PKIB: variants seen among roughly 807,000 people sequenced by gnomAD.
The protein encoded by PKIB is PKI-beta.
Under a neutral mutation model 4.5 loss-of-function variants are expected in PKIB, and 2 were observed. That is an observed-to-expected ratio of 0.44 (90% CI 0.18 to 1.39). The LOEUF is 1.39. Ranked by LOEUF, PKIB falls within the 40% of genes most tolerant of loss-of-function variation. The pLI is 0.27. For missense variants in PKIB, 94 were observed against 92.6 expected (o/e 1.02, Z -0.06); for synonymous variants, 38 against 36.0 (o/e 1.06, Z -0.20).
chr6:122,526,139 C>A (rs1362576672), intron 2 of PKIB, among the ~76,000 whole-genome samples: 6 of 152,142 alleles, frequency 3.9e-5, no homozygotes, highest in Admixed American at 3.9e-4. Context: ...AATTCTGCCA[C>A]CTCTTTTGAT....
chr6:122,471,922 C>T, upstream of PKIB: 1 of 1,344,774 alleles, frequency 7.4e-7, no homozygotes, highest in Non-Finnish European at 9.8e-7. Flanking sequence ...GCTGAGACTG[C>T]GCATGCGCGT....
intron 2 of PKIB, among the ~76,000 whole-genome samples, chr6:122,576,689 A>AAATATATAT (rs1345822382): frequency 5.8e-4 from 20 of 34,314 alleles, no homozygotes; most frequent in African/African-American, 1.2e-3. Flanking sequence ...AAAAAAAAAA[A>AAATATATAT]ATATATATAT....
chr6:122,544,545 G>A (rs1347468228), intron 2 of PKIB, among the ~76,000 whole-genome samples: 2 of 152,040 alleles, frequency 1.3e-5, no homozygotes, highest in African/African-American at 4.8e-5. Flanking sequence ...CTGGAGGGGT[G>A]TTTTGAGATT....
intron 3 of PKIB, among the ~76,000 whole-genome samples, chr6:122,591,676 A>G (rs1458999655): frequency 6.6e-6 from 1 of 152,008 alleles, no homozygotes; most frequent in African/African-American, 2.4e-5. Context: ...ATCTGGTTCA[A>G]ATTGATCATT....
intron 2 of PKIB, among the ~76,000 whole-genome samples, chr6:122,506,978 A>G (rs762878603): frequency 2.6e-5 from 4 of 151,952 alleles, no homozygotes; most frequent in African/African-American, 9.7e-5. Context: ...TGGGATTACA[A>G]GCATGAGCCA....
chr6:122,494,726 C>T (rs1003025299), intron 2 of PKIB, among the ~76,000 whole-genome samples: 18 of 152,164 alleles, frequency 1.2e-4, no homozygotes, highest in African/African-American at 2.4e-4. Flanking sequence ...ACCAAAGAAG[C>T]GACAGGAACC....
At chr6:122,559,898 G>A (rs532399209) in intron 2 of PKIB, among the ~76,000 whole-genome samples, 4 of 151,978 alleles carry the variant, frequency 2.6e-5, no homozygotes, top group South Asian at 4.2e-4. Flanking sequence ...TCTTGTATCC[G>A]GAAACTTTGC....
chr6:122,589,274 A>G (rs1181857520), intron 3 of PKIB, among the ~76,000 whole-genome samples: 1 of 152,172 alleles, frequency 6.6e-6, no homozygotes, highest in Non-Finnish European at 1.5e-5. Flanking sequence ...CTATGCAACA[A>G]TTTAAAAGAA....
chr6:122,515,729 G>GTTT (rs1331582451), intron 2 of PKIB, among the ~76,000 whole-genome samples: 1 of 152,076 alleles, frequency 6.6e-6, no homozygotes, highest in Non-Finnish European at 1.5e-5. Flanking sequence ...TTGTTTGTTT[G>GTTT]TTTTTGAGAT....
At chr6:122,595,425 G>A (rs1774148697) in intron 3 of PKIB, among the ~76,000 whole-genome samples, 2 of 152,192 alleles carry the variant, frequency 1.3e-5, no homozygotes, top group Non-Finnish European at 2.9e-5. Flanking sequence ...CATAAGGTGA[G>A]TGCCTTTGTC....
rs141924198 is a variant in PKIB at position 122,638,028 on chromosome 6, T to C, written c.-76+4661T>C. Among the ~76,000 whole-genome samples, 411 of 152,268 alleles carry C rather than the reference T, an allele frequency of 2.7e-3. 4 individuals are homozygous for C. Among genetic ancestry groups the C allele is most frequent in the African/African-American group, 7.7e-3 (320 of 41,562 alleles). On this transcript the variant is annotated intron_variant, in intron 2 of 4. Coordinates refer to ENST00000368452, the MANE Select transcript of PKIB (RefSeq NM_181795.3). Reference sequence around the variant, plus strand: ...TAAAATAAGTTATCACTAATAAAAATGAAATAATTCAATTTCTGTCTTGAA... The same window carrying C: ...TAAAATAAGTTATCACTAATAAAAACGAAATAATTCAATTTCTGTCTTGAA...
At chr6:122,596,315 A>G (rs1774174930) in intron 3 of PKIB, among the ~76,000 whole-genome samples, 1 of 152,102 alleles carries the variant, frequency 6.6e-6, no homozygotes, top group South Asian at 2.1e-4. Flanking sequence ...ATCATAGGGA[A>G]CTCCCCATGA....
At chr6:122,679,579 C>A (rs1777819121) in intron 3 of PKIB, among the ~76,000 whole-genome samples, 1 of 152,048 alleles carries the variant, frequency 6.6e-6, no homozygotes, top group South Asian at 2.1e-4. Flanking sequence ...AGATTTAAAA[C>A]CTATTTAGAG....
intron 2 of PKIB, among the ~76,000 whole-genome samples, chr6:122,582,847 C>T (rs1191342885): frequency 1.3e-5 from 2 of 152,022 alleles, no homozygotes; most frequent in Non-Finnish European, 2.9e-5. Context: ...GTACCTAACA[C>T]ATAGTAATTA....
At chr6:122,658,171 G>A (rs970066727) in intron 2 of PKIB, among the ~76,000 whole-genome samples, 3 of 152,014 alleles carry the variant, frequency 2.0e-5, no homozygotes, top group African/African-American at 7.2e-5. Context: ...TTTTGTGCTG[G>A]TTCTGGAATA....
intron 2 of PKIB, among the ~76,000 whole-genome samples, chr6:122,671,428 G>A (rs1777459946): frequency 6.6e-6 from 1 of 152,058 alleles, no homozygotes; most frequent in East Asian, 1.9e-4. Context: ...TTGTTCCCAA[G>A]CAACCTCACC....
intron 3 of PKIB, among the ~76,000 whole-genome samples, chr6:122,589,193 T>C (rs143176844): frequency 1.6e-4 from 24 of 152,238 alleles, no homozygotes; most frequent in African/African-American, 5.8e-4. Context: ...AATAAAGTTG[T>C]GGAGAGAACT....
rs994147052 is a variant in PKIB, at chr6:122,489,585, TATC to T, written c.-248+11649_-248+11651del. On this transcript the variant is annotated intron_variant, in intron 2 of 6. Transcript: ENST00000392491. ...GATTCTCTCCTTTTAAAATACTACT[TATC>T]ATTGAATGAGTTAGGCTTTCCTGGA... Among the ~76,000 whole-genome samples, 88 of 152,374 alleles carry T rather than the reference TATC, an allele frequency of 5.8e-4. 1 individual carries two copies. Among genetic ancestry groups the T allele is most frequent in the African/African-American group, 2.1e-3 (88 of 41,586 alleles).
chr6:122,678,745 A>G (rs1582804231), intron 3 of PKIB, among the ~76,000 whole-genome samples: 1 of 152,226 alleles, frequency 6.6e-6, no homozygotes, highest in South Asian at 2.1e-4. Context: ...GTGCCACAGG[A>G]GCACAGAAGC....
Sources: allele counts gnomAD v4.1 joint callset (sites outside exome capture counted in the v4.1 genomes callset), GRCh38; gene constraint gnomAD v4.1.1; transcripts MANE v1.5; gene names NCBI Gene and HGNC (gene_info 2026-07-23, HGNC 2026-07-21).